Variants in BIRC2 observed in about 807,000 individuals in gnomAD.
The protein encoded by BIRC2 is baculoviral IAP repeat containing 2, also known as baculoviral IAP repeat-containing protein 2.
Under a neutral mutation model 60.9 loss-of-function variants are expected in BIRC2, and 18 were observed. The observed-to-expected ratio is 0.30, with a 90% CI of 0.20 to 0.44. The LOEUF (loss-of-function observed/expected upper bound fraction) is 0.44. Among genes scored for constraint, BIRC2 ranks in the 20% least tolerant of loss-of-function variants. The pLI is 1.00. For synonymous variants in BIRC2, 282 were observed against 247.7 expected, an observed-to-expected ratio of 1.14 and a Z score of -1.30; for missense variants, 701 against 728.5, an observed-to-expected ratio of 0.96 and a Z score of 0.43.
rs867222178 is a variant in BIRC2 at position 102,350,911 on chromosome 11, TC to T, written c.965del (p.Pro322HisfsTer3). The T allele has an allele frequency of 6.2e-7, 1 of 1,613,998 alleles. No homozygotes were observed. The highest frequency in any genetic ancestry group is 1.3e-5 in the African/African-American group (1 of 74,934). ...TGAGGTGTTGGGAATCTGGAGATGATCCATGGGTAGAACATGCCAAGTGGTT... is the reference window on the plus strand; with the variant it reads ...TGAGGTGTTGGGAATCTGGAGATGATCATGGGTAGAACATGCCAAGTGGTT... ...GLRCWESGDD[P>X]WVEHAKWFPR... On this transcript the variant is annotated frameshift_variant, in exon 3 of 9. Transcript: ENST00000227758. LOFTEE classifies it high-confidence loss of function.
chr11:102,364,740 A>G (rs1951534257), intron 5 of BIRC2, among the ~76,000 whole-genome samples: 1 of 152,216 alleles, frequency 6.6e-6, no homozygotes, highest in Non-Finnish European at 1.5e-5. Context: ...ACCATGGCTC[A>G]GGAGGATTGG....
intron 6 of BIRC2, among the ~76,000 whole-genome samples, chr11:102,372,998 CTT>C (rs901667209): frequency 2.6e-5 from 4 of 151,782 alleles, no homozygotes; most frequent in African/African-American, 9.7e-5. Context: ...ACCCCTGCCT[CTT>C]TTTGTTTTCC....
Position 102,371,635 on chromosome 11 carries a change from T to G in BIRC2, c.1366+3087T>G, listed in dbSNP as rs1224420879. Among the ~76,000 whole-genome samples, 41 of 148,212 alleles carry G rather than the reference T, an allele frequency of 2.8e-4. 1 individual carries two copies. The East Asian group carries it at 4.2e-3, about 15-fold the overall frequency. On this transcript the variant is annotated intron_variant, in intron 6 of 8. Coordinates refer to ENST00000227758, the MANE Select transcript of BIRC2 (RefSeq NM_001166.5). ...ATATTGGTCTAAAATTCTCTTTTTT[T>G]GTTGTGTCTCTGCCCGGCTTTGGTA... is the stretch of plus-strand genomic sequence containing the variant.
Position 102,350,398 on chromosome 11 carries a change from A to T in BIRC2, c.544A>T (p.Ser182Cys). The change falls in exon 2 of 9, where the codon AGT becomes TGT. Residue 182 changes from serine to cysteine, a missense_variant. By Grantham distance (112) the Ser-to-Cys change is moderately radical. Around this residue, in one of 4 missense-constraint regions of BIRC2, gnomAD observed 375 missense variants for 365.9 expected, o/e 1.02. Transcript: ENST00000227758. Reference protein sequence around the residue: ...SRTNPYSYAMSTEEARFLTYH... With the variant: ...SRTNPYSYAMCTEEARFLTYH... ...GACTAACCCCTACAGTTATGCAATG[A>T]GTACTGAAGAAGCCAGATTTCTTAC... is the stretch of plus-strand genomic sequence containing the variant. 3 of 1,614,230 alleles carry T rather than the reference A, an allele frequency of 1.9e-6. No individual in the cohort carries two copies. The highest frequency in any genetic ancestry group is 2.5e-6 in the Non-Finnish European group (3 of 1,180,046).
At chr11:102,374,705 G>T (rs913503619) in intron 6 of BIRC2, among the ~76,000 whole-genome samples, 1 of 151,856 alleles carries the variant, frequency 6.6e-6, no homozygotes, top group African/African-American at 2.4e-5. Context: ...CCCAGTTCGA[G>T]TTCCTGGCTG....
At chr11:102,363,108 A>G in intron 4 of BIRC2, 134 bp downstream of exon 4, 2 of 581,488 alleles carry the variant, frequency 3.4e-6, no homozygotes, top group South Asian at 2.7e-5. Flanking sequence ...TTTTGTACCA[A>G]CCTATATTAG....
chr11:102,366,518 C>T (rs1369807859), intron 5 of BIRC2, among the ~76,000 whole-genome samples: 1 of 152,102 alleles, frequency 6.6e-6, no homozygotes, highest in Non-Finnish European at 1.5e-5. Flanking sequence ...AGGCGCCCAC[C>T]ACCACGCCCG....
In BIRC2 at chr11:102,348,868, C is replaced by G. The variant is rs1951320331; in HGVS notation, c.-987C>G. 1 of 193,094 alleles carries G rather than the reference C, an allele frequency of 5.2e-6. No homozygotes were observed. The highest frequency in any genetic ancestry group is 2.4e-5 in the African/African-American group (1 of 42,022). The allele number at this position is 193,094 out of a possible 1,614,324, so 12.0% of individuals were successfully genotyped here. A position where few individuals can be genotyped will look rare whatever the true frequency, so the allele number is the denominator to read the frequency against. On this transcript the variant is annotated 5_prime_UTR_variant, in exon 2 of 9. It adds an upstream start codon to the 5' untranslated region. Transcript: ENST00000227758. ...TAACACTAGAAAGGACAAGTTTTAT[C>G]TTGTGATAAATTGATTAATGTTTAC... is the stretch of plus-strand genomic sequence containing the variant.
chr11:102,376,395 A>G (rs1172429296), intron 6 of BIRC2, among the ~76,000 whole-genome samples: 1 of 152,230 alleles, frequency 6.6e-6, no homozygotes, highest in East Asian at 1.9e-4. Context: ...TAGAAGAAAA[A>G]GTTGTCACAG....
chr11:102,372,541 A>T (rs1194234894), intron 6 of BIRC2, among the ~76,000 whole-genome samples: 2 of 151,586 alleles, frequency 1.3e-5, no homozygotes, highest in African/African-American at 4.9e-5. Flanking sequence ...ATAGTTTGTT[A>T]TAATTTCTGT....
rs1238639611 is a variant in BIRC2, at chr11:102,350,764, A to C, written c.895+15A>C. ...TTATTATGTGGGTAAGAAGCAAATA[A>C]CTATACATTTTATCATTTTATTTTA... On this transcript the variant is annotated intron_variant, in intron 2 of 8. Coordinates refer to ENST00000227758, the MANE Select transcript of BIRC2 (RefSeq NM_001166.5). 6.2e-7 allele frequency: 1 copy of C among 1,603,558 alleles called. No individual in the cohort carries two copies. The highest frequency in any genetic ancestry group is 1.7e-5 in the Admixed American group (1 of 58,010).
In BIRC2 at chr11:102,348,918, A is replaced by G. The variant is rs1384895994; in HGVS notation, c.-937A>G. On this transcript the variant is annotated 5_prime_UTR_variant, in exon 2 of 9. Coordinates refer to ENST00000227758, the MANE Select transcript of BIRC2 (RefSeq NM_001166.5). ...CAACATGACTGATAATTATAGCTGA[A>G]TAGTCCTTAAATGATGAACAGGTTA... 5.7e-6 allele frequency: 1 copy of G among 174,260 alleles called. No homozygotes were observed. The highest frequency in any genetic ancestry group is 1.2e-5 in the Non-Finnish European group (1 of 80,800). 10.8% of individuals were successfully genotyped at this position (174,260 alleles called of 1,614,324 possible). A position where few individuals can be genotyped will look rare whatever the true frequency, so the allele number is the denominator to read the frequency against.
At chr11:102,351,017 G>C in intron 3 of BIRC2, 74 bp downstream of exon 3, 1 of 1,385,728 alleles carries the variant, frequency 7.2e-7, no homozygotes, top group Non-Finnish European at 1.0e-6. Context: ...ACATGATTTT[G>C]TTTACCTTTA....
intron 6 of BIRC2, among the ~76,000 whole-genome samples, chr11:102,372,465 G>T (rs1209220802): frequency 6.6e-6 from 1 of 152,180 alleles, no homozygotes; most frequent in African/African-American, 2.4e-5. Context: ...CAGTGTCCAT[G>T]TAGTTGAGTG....
intron 3 of BIRC2, among the ~76,000 whole-genome samples, chr11:102,360,620 T>C (rs146828904): frequency 2.9e-4 from 44 of 152,210 alleles, no homozygotes; most frequent in African/African-American, 8.7e-4. Flanking sequence ...TGTTAGTTCA[T>C]AGATCTCCAT....
Position 102,368,412 on chromosome 11 carries a change from A to G in BIRC2, c.1230A>G (p.Lys410=). 6 of 1,614,096 alleles carry G rather than the reference A, an allele frequency of 3.7e-6. No homozygotes were observed. In the South Asian group the frequency reaches 6.6e-5, roughly 18 times the overall value. The change falls in exon 6 of 9, where the codon AAA becomes AAG. Residue 410 remains lysine (K), a synonymous_variant. Transcript: ENST00000227758. ...LEMGFNRDLV[K]QTVQSKILTT... ...TGGGCTTTAATAGAGACCTGGTGAA[A>G]CAAACAGTTCAAAGTAAAATCCTGA...
chr11:102,363,618 A>G, intron 4 of BIRC2, 50 bp from the exon 5 acceptor site: 1 of 1,407,468 alleles, frequency 7.1e-7, no homozygotes, highest in Non-Finnish European at 1.0e-6. Flanking sequence ...TTCTTTTCAG[A>G]TTGTTGGGGA....
chr11:102,362,669 G>C (rs1308624164), intron 3 of BIRC2: 5 of 376,396 alleles, frequency 1.3e-5, no homozygotes, highest in Admixed American at 4.0e-5. Flanking sequence ...TTTTGTTGTT[G>C]TGTTAATGGA....
At chr11:102,356,561 T>G (rs1341077922) in intron 3 of BIRC2, among the ~76,000 whole-genome samples, 1 of 151,988 alleles carries the variant, frequency 6.6e-6, no homozygotes, top group Non-Finnish European at 1.5e-5. Flanking sequence ...GTCCTTATGT[T>G]GAGGTATATT....
Sources: gnomAD v4.1 joint callset for allele counts (sites outside exome capture counted in the v4.1 genomes callset) on GRCh38, gnomAD v4.1.1 for gene constraint, gnomAD v4.1.1 regional missense constraint, MANE v1.5 for transcripts, NCBI Gene and HGNC (gene_info 2026-07-23, HGNC 2026-07-21) for gene names.